PPP1R12B: variants seen among roughly 807,000 people sequenced by gnomAD.
PPP1R12B encodes the protein myosin phosphatase target subunit 2.
In PPP1R12B, 76 loss-of-function variants were observed where a neutral mutation model predicts 126.1. That is an observed-to-expected ratio of 0.60 (90% confidence interval 0.50 to 0.73). The LOEUF is 0.73. Among genes scored for constraint, PPP1R12B ranks in the 30% least tolerant of loss-of-function variants. The probability of loss-of-function intolerance (pLI) is 0.00; values close to 1 mark genes in which losing one functional copy is unlikely to be tolerated. For synonymous variants in PPP1R12B, 356 were observed against 434.7 expected (o/e 0.82, Z 2.25); for missense variants, 1,052 against 1,205.1 (o/e 0.87, Z 1.88).
chr1:202,378,543 G>A (rs1056421076), intron 1 of PPP1R12B, among the ~76,000 whole-genome samples: 6 of 151,932 alleles, frequency 3.9e-5, no homozygotes, highest in African/African-American at 2.4e-5. Context: ...GCAATGGTGC[G>A]TTCTCAGCTT....
At chr1:202,499,437 T>A (rs1679949311) in intron 18 of PPP1R12B, among the ~76,000 whole-genome samples, 1 of 152,140 alleles carries the variant, frequency 6.6e-6, no homozygotes, top group Non-Finnish European at 1.5e-5. Context: ...GGAGTTTTTC[T>A]AGAGATGGGG....
rs777395939 is a variant in PPP1R12B at position 202,431,468 on chromosome 1, T to C, written c.1002-12T>C. On this transcript the variant is annotated splice_polypyrimidine_tract_variant and intron_variant, in intron 7 of 23. Coordinates refer to ENST00000608999, the MANE Select transcript of PPP1R12B (RefSeq NM_002481.4). ...TTTCTGAATTATACTCAAGTTGTCA[T>C]CTTTAATTTAGCAAAGAGAAGATGC... 17 of 1,583,226 alleles carry C rather than the reference T, an allele frequency of 1.1e-5. No homozygotes were observed. The highest frequency in any genetic ancestry group is 1.4e-5 in the African/African-American group (1 of 72,876).
intron 1 of PPP1R12B, among the ~76,000 whole-genome samples, chr1:202,408,524 C>T (rs190403865): frequency 5.9e-5 from 9 of 152,210 alleles, no homozygotes; most frequent in Admixed American, 2.0e-4. Flanking sequence ...GATTCTGATT[C>T]GCTATTCTAT....
intron 18 of PPP1R12B, among the ~76,000 whole-genome samples, chr1:202,536,685 CT>C (rs1264973644): frequency 1.2e-4 from 18 of 151,832 alleles, no homozygotes; most frequent in Admixed American, 2.0e-4. Flanking sequence ...TGTTTTGACC[CT>C]TTTGCAGTAA....
chr1:202,388,633 C>T (rs1663568320), intron 1 of PPP1R12B, among the ~76,000 whole-genome samples: 1 of 152,100 alleles, frequency 6.6e-6, no homozygotes, highest in East Asian at 1.9e-4. Context: ...TCTAGTAGTA[C>T]TACAATAGTA....
At chr1:202,432,274 C>CTTTTTTTTTTT (rs879702656) in intron 8 of PPP1R12B, among the ~76,000 whole-genome samples, 30 of 145,248 alleles carry the variant, frequency 2.1e-4, no homozygotes, top group African/African-American at 6.5e-4. Flanking sequence ...TATAGGGCTT[C>CTTTTTTTTTTT]TTTTTTTTTT....
At chr1:202,353,370 T>C (rs1198564772) in intron 1 of PPP1R12B, among the ~76,000 whole-genome samples, 1 of 152,194 alleles carries the variant, frequency 6.6e-6, no homozygotes, top group Non-Finnish European at 1.5e-5. Context: ...AAATCCTGTT[T>C]GCTCCTTTAT....
At chr1:202,564,605 C>A in intron 21 of PPP1R12B, 58 bp downstream of exon 21, 1 of 1,387,182 alleles carries the variant, frequency 7.2e-7, no homozygotes, top group Non-Finnish European at 1.0e-6. Context: ...AGGAAGCAAA[C>A]TAGACTAGGG....
At chr1:202,432,459 G>T (rs527870669) in intron 8 of PPP1R12B, among the ~76,000 whole-genome samples, 92 of 152,090 alleles carry the variant, frequency 6.0e-4, no homozygotes, top group African/African-American at 2.0e-3. Flanking sequence ...GTAGAGACAG[G>T]GTTTCACTGT....
chr1:202,552,887 G>A (rs1686467113), intron 18 of PPP1R12B, among the ~76,000 whole-genome samples: 1 of 152,156 alleles, frequency 6.6e-6, no homozygotes, highest in Non-Finnish European at 1.5e-5. Flanking sequence ...TAGGAGTTTG[G>A]TTTTAATTAT....
intron 18 of PPP1R12B, chr1:202,540,110 G>A (rs1313320832): frequency 6.3e-7 from 1 of 1,588,188 alleles, no homozygotes; most frequent in Non-Finnish European, 8.6e-7. Context: ...GAATCCAGTG[G>A]TTGAGTGTCT....
At chr1:202,472,084 G>C in intron 13 of PPP1R12B, 2 of 1,589,298 alleles carry the variant, frequency 1.3e-6, no homozygotes, top group African/African-American at 2.7e-5. Flanking sequence ...TCCTCTTCTG[G>C]AGAGGGATGA....
At position 202,451,538 on chromosome 1, in the gene PPP1R12B, A is replaced by G. The variant is rs1400783047; in HGVS notation, c.1850+2367A>G. Among the ~76,000 whole-genome samples the G allele has an allele frequency of 1.3e-5, 2 of 151,294 alleles. 1 individual carries two copies. Among genetic ancestry groups the G allele is most frequent in the Admixed American group, 1.3e-4 (2 of 15,176 alleles). On this transcript the variant is annotated intron_variant, in intron 13 of 23. Transcript: ENST00000608999. The stretch of plus-strand genomic sequence containing the variant: ...AAGGCAGAAGAATTTTTCTTAGTAC[A>G]GAACAAAATGAAAAGTCTCCCATGT...
rs1000324951 is a variant in PPP1R12B, at chr1:202,589,366, C to T, written c.*8806C>T. The stretch of plus-strand genomic sequence containing the variant: ...CCAAGCGGAAATCCCTGGTCACTGA[C>T]TTGGGGAGAGGTCAGGGAGGGAAGA... On this transcript the variant is annotated 3_prime_UTR_variant, in exon 24 of 24. Transcript: ENST00000608999. 1.1e-4 allele frequency: 17 copies of T among 152,146 alleles called. No individual in the cohort carries two copies. Among genetic ancestry groups the T allele is most frequent in the African/African-American group, 3.6e-4 (15 of 41,410 alleles). The allele number at this position is 152,146 out of a possible 1,614,324, so 9.4% of individuals were successfully genotyped here. A position where few individuals can be genotyped will look rare whatever the true frequency, so the allele number is the denominator to read the frequency against.
At chr1:202,546,821 C>T (rs1024763985) in intron 18 of PPP1R12B, among the ~76,000 whole-genome samples, 5 of 152,082 alleles carry the variant, frequency 3.3e-5, no homozygotes, top group African/African-American at 1.2e-4. Context: ...GAGTGGTAAG[C>T]TTGTCTAAGG....
At chr1:202,404,525 G>GGAGTCTCACTCTATTGC (rs1389411913) in intron 1 of PPP1R12B, among the ~76,000 whole-genome samples, 2 of 151,540 alleles carry the variant, frequency 1.3e-5, no homozygotes, top group Admixed American at 1.3e-4. Flanking sequence ...TTTTTGAGAT[G>GGAGTCTCACTCTATTGC]GAGTCTCACT....
rs546492323 is a variant in PPP1R12B at position 202,348,767 on chromosome 1, C to G, written c.-85C>G. The stretch of plus-strand genomic sequence containing the variant: ...CCGCCCTCTGCTCCGGGCTGAAGCG[C>G]TCTGAGAGAGGCGGCAGCGGCAACT... On this transcript the variant is annotated 5_prime_UTR_variant, in exon 1 of 24. Coordinates refer to ENST00000608999, the MANE Select transcript of PPP1R12B (RefSeq NM_002481.4). 3.5e-4 allele frequency: 527 copies of G among 1,486,882 alleles called. 4 individuals carry two copies. Among genetic ancestry groups the G allele is most frequent in the Admixed American group, 1.0e-4 (4 of 39,798 alleles). The allele number at this position is 1,486,882 out of a possible 1,614,324, so 92.1% of individuals were successfully genotyped here. A position where few individuals can be genotyped will look rare whatever the true frequency, so the allele number is the denominator to read the frequency against.
At chr1:202,461,364 C>T (rs746538195) in intron 13 of PPP1R12B, among the ~76,000 whole-genome samples, 4 of 151,966 alleles carry the variant, frequency 2.6e-5, no homozygotes, top group Non-Finnish European at 5.9e-5. Flanking sequence ...CTAGATTTTC[C>T]CAAATCTATC....
intron 10 of PPP1R12B, chr1:202,438,529 C>T: frequency 2.4e-6 from 1 of 411,334 alleles, no homozygotes. Flanking sequence ...GAAAGAGCTG[C>T]CCCCGCTGGG....
Sources: gnomAD v4.1 joint callset for allele counts (sites outside exome capture counted in the v4.1 genomes callset) on GRCh38, gnomAD v4.1.1 for gene constraint, MANE v1.5 for transcripts, NCBI Gene and HGNC (gene_info 2026-07-23, HGNC 2026-07-21) for gene names.